The following SEMA3G variants were observed in gnomAD, a reference collection of about 807,000 sequenced individuals.
SEMA3G encodes semaphorin 3G.
In SEMA3G, 70 loss-of-function variants were observed where a neutral mutation model predicts 86.2. The observed-to-expected ratio is 0.81, with a 90% CI of 0.67 to 0.99. The LOEUF (loss-of-function observed/expected upper bound fraction) is 0.99, where lower values mean the gene tolerates loss of function less well. SEMA3G is among the 50% of genes least tolerant of loss of function. The pLI, the probability that SEMA3G is intolerant of heterozygous loss-of-function variation, is 0.00. For missense variants in SEMA3G, 1,002 were observed against 1,072.4 expected, an observed-to-expected ratio of 0.93 and a Z score of 0.92; for synonymous variants, 416 against 441.4, an observed-to-expected ratio of 0.94 and a Z score of 0.72.
chr3:52,435,995 A>G lies in SEMA3G; in HGVS notation c.1957T>C (p.Tyr653His), dbSNP rs747528320. ...RRLSRFDAGTYTCTTLEHGFS... is the reference protein window; with the variant it reads ...RRLSRFDAGTHTCTTLEHGFS... ...CCATGCTCCAGAGTGGTGCAGGTGT[A>G]GGTGCCCGCATCGAAACGGCTAAGC... Residue 653 changes from tyrosine (Y) to histidine (H), a missense_variant, in exon 16 of 16, where the codon TAC becomes CAC. Tyr to His is a moderately conservative substitution (Grantham distance 83). Transcript: ENST00000231721. The G allele has an allele frequency of 1.9e-6, 3 of 1,613,860 alleles. No individual in the cohort carries two copies. The South Asian group carries it at 3.3e-5, about 18-fold the overall frequency.
chr3:52,438,635 G>T (rs1706091668), intron 13 of SEMA3G: 1 of 985,508 alleles, frequency 1.0e-6, no homozygotes, highest in African/African-American at 1.7e-5. Flanking sequence ...CCTCTAAAAA[G>T]TGGCCTTGTT....
Position 52,439,034 on chromosome 3 carries a change from C to T in SEMA3G, c.1468-73G>A, listed in dbSNP as rs1706098688. 6 of 1,530,830 alleles carry T rather than the reference C, an allele frequency of 3.9e-6. No individual in the cohort carries two copies. In the East Asian group the frequency reaches 1.4e-4, roughly 36 times the overall value. The allele number at this position is 1,530,830 out of a possible 1,614,324, so 94.8% of individuals were successfully genotyped here. On this transcript the variant is annotated intron_variant, in intron 12 of 15. Coordinates refer to ENST00000231721, the MANE Select transcript of SEMA3G (RefSeq NM_020163.3). ...GCCCCTGCACCCCTGCTTTCAGTCT[C>T]CTCCAACCCTGGGGTGGGAACCACC...
rs1289399094 is a variant in SEMA3G, at chr3:52,438,010, C to T, written c.1699G>A (p.Gly567Ser). 6.2e-6 allele frequency: 10 copies of T among 1,612,814 alleles called. 1 individual carries two copies. The East Asian group carries it at 8.9e-5, about 14-fold the overall frequency. The change falls in exon 14 of 16, where the codon GGC (glycine) becomes AGC (serine). Residue 567 changes from glycine (G) to serine (S), a missense_variant. Gly to Ser is a moderately conservative substitution (Grantham distance 56, BLOSUM62 0). Coordinates refer to ENST00000231721, the MANE Select transcript of SEMA3G (RefSeq NM_020163.3). The part of the protein sequence containing the change: ...RRFRRQDIRH[G>S]NPALQCLGQS... ...CCCAGGCACTGCAGGGCAGGGTTGC[C>T]GTGCCGGATGTCCTGCCGGCGGAAC...
Position 52,442,057 on chromosome 3 carries a change from C to A in SEMA3G, c.459+128G>T. On this transcript the variant is annotated intron_variant, in intron 4 of 15. Transcript: ENST00000231721. This position sits in a 1 kb window ranked among gnomAD's most constrained non-coding sequence, Gnocchi z 6.1. ...CAGGGCCCCTCTAATGGGGTCAGCT[C>A]CCCAACACAAAGGCGCCTTTCAGGC... is the stretch of plus-strand genomic sequence containing the variant. 3 of 1,400,152 alleles carry A rather than the reference C, an allele frequency of 2.1e-6. No homozygotes were observed. The highest frequency in any genetic ancestry group is 2.5e-5 in the East Asian group (1 of 39,938). 86.7% of individuals were successfully genotyped at this position (1,400,152 alleles called of 1,614,324 possible).
At chr3:52,437,747 G>C in intron 14 of SEMA3G, 81 bp from the exon 15 acceptor site, 10 of 1,484,122 alleles carry the variant, frequency 6.7e-6, no homozygotes, top group Non-Finnish European at 9.2e-6. Context: ...CACAGCTCAG[G>C]AGCCCCACTA....
Position 52,441,370 on chromosome 3 carries a change from G to C in SEMA3G, c.707C>G (p.Ser236Cys). The C allele has an allele frequency of 6.2e-7, 1 of 1,613,948 alleles. No individual in the cohort carries two copies. The highest frequency in any genetic ancestry group is 8.5e-7 in the Non-Finnish European group (1 of 1,180,018). ...GTACACCTTGTCATTGTCCTGGTCA[G>C]AGTTCTCAGGGATCCGGGCGGCCAT... ...FVMAARIPENSDQDNDKVYFF... is the reference protein window; with the variant it reads ...FVMAARIPENCDQDNDKVYFF... The change falls in exon 7 of 16, where the codon TCT (serine) becomes TGT (cysteine). Residue 236 changes from serine (S) to cysteine (C), a missense_variant. Ser to Cys is a moderately radical substitution (Grantham distance 112). Transcript: ENST00000231721.
At chr3:52,441,997 C>G in intron 4 of SEMA3G, 88 bp from the exon 5 acceptor site, 1 of 1,337,296 alleles carries the variant, frequency 7.5e-7, no homozygotes, top group South Asian at 1.3e-5. Context: ...TCGCGTGCGG[C>G]CAGAGAGCGG....
chr3:52,445,070 G>A lies in SEMA3G; in HGVS notation c.-43C>T, dbSNP rs1023575317. 7.2e-6 allele frequency: 9 copies of A among 1,255,564 alleles called. No individual in the cohort carries two copies. The East Asian group carries it at 9.4e-5, about 13-fold the overall frequency. The allele number at this position is 1,255,564 out of a possible 1,614,324, so 77.8% of individuals were successfully genotyped here. A position where few individuals can be genotyped will look rare whatever the true frequency, so the allele number is the denominator to read the frequency against. The stretch of plus-strand genomic sequence containing the variant: ...ACCGCTGCCGCCTGCCTGCAGAGCC[G>A]CCCTCTGGTCCCGCTGGCCGCCGGT... On this transcript the variant is annotated 5_prime_UTR_variant, in exon 1 of 16. Transcript: ENST00000231721.
chr3:52,442,076 T>G lies in SEMA3G; in HGVS notation c.459+109A>C. On this transcript the variant is annotated intron_variant, in intron 4 of 15. Transcript: ENST00000231721. This position sits in a 1 kb window ranked among gnomAD's most constrained non-coding sequence, Gnocchi z 6.1. ...TCAGCTCCCCAACACAAAGGCGCCT[T>G]TCAGGCCCCTGCCCCTCTGTCCCTA... 1 of 1,449,094 alleles carries G rather than the reference T, an allele frequency of 6.9e-7. No homozygotes were observed. The highest frequency in any genetic ancestry group is 9.3e-7 in the Non-Finnish European group (1 of 1,078,750). The allele number at this position is 1,449,094 out of a possible 1,614,324, so 89.8% of individuals were successfully genotyped here.
Position 52,438,019 on chromosome 3 carries a change from T to G in SEMA3G, c.1690A>C (p.Ile564Leu). ...TGCAGGGCAGGGTTGCCGTGCCGGA[T>G]GTCCTGCCGGCGGAACCGGCGCTTG... ...LGKRRFRRQD[I>L]RHGNPALQCL... The change falls in exon 14 of 16, where the codon ATC (isoleucine) becomes CTC (leucine). Residue 564 changes from isoleucine (I) to leucine (L), a missense_variant. Transcript: ENST00000231721. The G allele has an allele frequency of 6.2e-7, 1 of 1,613,040 alleles. No homozygotes were observed. Among genetic ancestry groups the G allele is most frequent in the Non-Finnish European group, 8.5e-7 (1 of 1,179,972 alleles).
chr3:52,440,521 A>G lies in SEMA3G; in HGVS notation c.999T>C (p.Ser333=). The change falls in exon 10 of 16, where the codon AGT becomes AGC. Residue 333 remains serine (S), a splice_region_variant and synonymous_variant. Coordinates refer to ENST00000231721, the MANE Select transcript of SEMA3G (RefSeq NM_020163.3). ...AGACGGCGAAGCCCTGGAACACGGC[A>G]CTGCCGGGGCACATGGGACAGTCAG... ...LEVYALFSTV[S]AVFQGFAVCV... 1.2e-6 allele frequency: 2 copies of G among 1,607,718 alleles called. No individual in the cohort carries two copies. Among genetic ancestry groups the G allele is most frequent in the African/African-American group, 1.3e-5 (1 of 74,852 alleles).
Position 52,441,402 on chromosome 3 carries a change from C to T in SEMA3G, c.675G>A (p.Arg225=). The T allele has an allele frequency of 1.2e-6, 2 of 1,613,432 alleles. No homozygotes were observed. Among genetic ancestry groups the T allele is most frequent in the African/African-American group, 1.3e-5 (1 of 75,014 alleles). ...CAGGGATCCGGGCGGCCATCACAAA[C>T]CGGGGGTCTGGAAGGGTGACAGGGT... is the stretch of plus-strand genomic sequence containing the variant. ...DSDQSLLHDP[R]FVMAARIPEN... Residue 225 remains arginine (R), a synonymous_variant, in exon 7 of 16, where the codon CGG becomes CGA. Coordinates refer to ENST00000231721, the MANE Select transcript of SEMA3G (RefSeq NM_020163.3).
In SEMA3G at chr3:52,441,882, C is replaced by A; in HGVS notation, c.487G>T (p.Val163Leu). The A allele has an allele frequency of 6.3e-7, 1 of 1,583,036 alleles. No individual in the cohort carries two copies. Among genetic ancestry groups the A allele is most frequent in the Non-Finnish European group, 8.6e-7 (1 of 1,164,084 alleles). Residue 163 changes from valine (V) to leucine (L), a missense_variant, in exon 5 of 16, where the codon GTG becomes TTG. Physicochemically the swap from Val to Leu is conservative, Grantham distance 32. Transcript: ENST00000231721. ...GGGCACCGCCCCCGGCCACTTTCCA[C>A]ACTGCCAGGCTCCAGGTGGAGCACA... ...EHVLHLEPGSVESGRGRCPHE... is the reference protein window; with the variant it reads ...EHVLHLEPGSLESGRGRCPHE...
chr3:52,439,627 C>T, intron 12 of SEMA3G, 53 bp downstream of exon 12: 1 of 1,485,416 alleles, frequency 6.7e-7, no homozygotes, highest in Non-Finnish European at 9.4e-7. Flanking sequence ...TGTAGCCAGG[C>T]TCAGACCCAG....
rs1378091486 is a variant in SEMA3G at position 52,441,812 on chromosome 3, C to T, written c.550+7G>A. On this transcript the variant is annotated splice_region_variant and intron_variant, in intron 5 of 15. Transcript: ENST00000231721. ...CCTGTTCTCACCCTGGCCTGGGCAT[C>T]ACCCACCTATGAAGGTGCTGGCAAA... The T allele has an allele frequency of 6.2e-7, 1 of 1,607,744 alleles. No individual in the cohort carries two copies. The highest frequency in any genetic ancestry group is 1.7e-5 in the Admixed American group (1 of 59,134).
rs191480478 is a variant in SEMA3G at position 52,438,483 on chromosome 3, G to A, written c.1510-284C>T. On this transcript the variant is annotated intron_variant, in intron 13 of 15. Coordinates refer to ENST00000231721, the MANE Select transcript of SEMA3G (RefSeq NM_020163.3). ...CTGACCTTTGCCCTCTATCCCAGGG[G>A]CCTTTATCCTGAGTTGTCCCTGACC... 888 of 985,444 alleles carry A rather than the reference G, an allele frequency of 9.0e-4. 6 individuals are homozygous for A. In the African/African-American group the frequency reaches 0.015, roughly 16 times the overall value. 61.0% of individuals were successfully genotyped at this position (985,444 alleles called of 1,614,324 possible).
At position 52,442,791 on chromosome 3, in the gene SEMA3G, G is replaced by A; in HGVS notation, c.232C>T (p.Leu78Phe). ...DRLFLGGLDA[L>F]YSLRLDQAWP... ...GCCTGGTCCAGCCGCAGAGAGTAGAGGGCGTCCAGGCCACCCAGAAAGAGG... is the reference window on the plus strand; with the variant it reads ...GCCTGGTCCAGCCGCAGAGAGTAGAAGGCGTCCAGGCCACCCAGAAAGAGG... Residue 78 changes from leucine (L) to phenylalanine (F), a missense_variant, in exon 2 of 16, where the codon CTC (leucine) becomes TTC (phenylalanine). Leu to Phe is a conservative substitution (Grantham distance 22). Transcript: ENST00000231721. This position sits in a 1 kb window ranked among gnomAD's most constrained non-coding sequence, Gnocchi z 6.1. 2 of 1,614,020 alleles carry A rather than the reference G, an allele frequency of 1.2e-6. No homozygotes were observed. The highest frequency in any genetic ancestry group is 8.5e-7 in the Non-Finnish European group (1 of 1,179,970).
In SEMA3G at chr3:52,434,030, A is replaced by G. The variant is rs1705999277; in HGVS notation, c.*1573T>C. 1 of 152,158 alleles carries G rather than the reference A, an allele frequency of 6.6e-6. No homozygotes were observed. Among genetic ancestry groups the G allele is most frequent in the Non-Finnish European group, 1.5e-5 (1 of 68,018 alleles). The allele number at this position is 152,158 out of a possible 1,614,324, so 9.4% of individuals were successfully genotyped here. On this transcript the variant is annotated 3_prime_UTR_variant, in exon 16 of 16. Transcript: ENST00000231721. This position sits in a 1 kb window ranked among gnomAD's most constrained non-coding sequence, Gnocchi z 5.2. The stretch of plus-strand genomic sequence containing the variant: ...CAGTTCTCTGGAGGTGCCAGGGGTA[A>G]GGGAAAGATAAAACCCAAGGCAGTC...
rs868724194 is a variant in SEMA3G at position 52,439,690 on chromosome 3, T to G, written c.1457A>C (p.Gln486Pro). 1 of 1,613,734 alleles carries G rather than the reference T, an allele frequency of 6.2e-7. No homozygotes were observed. Among genetic ancestry groups the G allele is most frequent in the African/African-American group, 1.3e-5 (1 of 75,022 alleles). Reference sequence around the variant, plus strand: ...CAGCCCCTTGCTTACCTTAAACACCTGGAGCTCCTCCAGAACCACTTCCTC... The same window carrying G: ...CAGCCCCTTGCTTACCTTAAACACCGGGAGCTCCTCCAGAACCACTTCCTC... ...EPEEVVLEELQVFKVPTPITE... is the reference protein window; with the variant it reads ...EPEEVVLEELPVFKVPTPITE... Residue 486 changes from glutamine (Q) to proline (P), a missense_variant, in exon 12 of 16, where the codon CAG becomes CCG. By Grantham distance (76) the Gln-to-Pro change is moderately conservative. Transcript: ENST00000231721.
Sources: gnomAD v4.1 joint callset for allele counts on GRCh38, gnomAD v4.1.1 for gene constraint, Gnocchi (gnomAD v3.1) non-coding constraint, MANE v1.5 for transcripts, NCBI Gene and HGNC (gene_info 2026-07-23, HGNC 2026-07-21) for gene names.